Variants in ADAMTS20 observed in about 807,000 individuals in gnomAD.
ADAMTS20 encodes ADAM metallopeptidase with thrombospondin type 1 motif 20, also known as A disintegrin and metalloproteinase with thrombospondin motifs 20.
In ADAMTS20, 225 loss-of-function variants were observed where a neutral mutation model predicts 260.1. That is an observed-to-expected ratio of 0.87 (90% CI 0.78 to 0.97). The LOEUF is 0.97. Ranked by LOEUF, ADAMTS20 falls within the 50% of genes least tolerant of loss-of-function variation. The probability of loss-of-function intolerance (pLI) is 0.00; values close to 1 mark genes in which losing one functional copy is unlikely to be tolerated. For synonymous variants in ADAMTS20, 802 were observed against 769.5 expected, an observed-to-expected ratio of 1.04 and a Z score of -0.70; for missense variants, 2,400 against 2,337.7, an observed-to-expected ratio of 1.03 and a Z score of -0.55.
intron 3 of ADAMTS20, among the ~76,000 whole-genome samples, chr12:43,510,942 T>C (rs1942915888): frequency 6.6e-6 from 1 of 152,104 alleles, no homozygotes; most frequent in Admixed American, 6.6e-5. Context: ...AATTCATCAT[T>C]TTCTTCTCCC....
intron 11 of ADAMTS20, among the ~76,000 whole-genome samples, chr12:43,456,132 T>C (rs1182224559): frequency 3.3e-5 from 5 of 152,208 alleles, no homozygotes; most frequent in African/African-American, 1.2e-4. Flanking sequence ...ATTTTGGATG[T>C]CTTTTTTGCA....
chr12:43,471,705 G>T, intron 7 of ADAMTS20, among the ~76,000 whole-genome samples: 1 of 142,130 alleles, frequency 7.0e-6, no homozygotes, highest in South Asian at 2.5e-4. Context: ...CTAACTGGGA[G>T]GCACCCCCCA....
chr12:43,394,599 A>C (rs1940662041), intron 29 of ADAMTS20, among the ~76,000 whole-genome samples: 1 of 152,160 alleles, frequency 6.6e-6, no homozygotes, highest in African/African-American at 2.4e-5. Context: ...AGCACAACTT[A>C]GAAATTACAT....
In ADAMTS20 at chr12:43,502,242, T is replaced by A. The variant is rs772046399; in HGVS notation, c.777A>T (p.Arg259Ser). ...CAGCTGTAACCATAATTTCAATGTA[T>A]CTTGGATATGATATAAGACGTTTTT... ...SRKKRLISYP[R>S]YIEIMVTADA... The change falls in exon 4 of 39, where the codon AGA becomes AGT. Residue 259 changes from arginine (R) to serine (S), a missense_variant. By Grantham distance (110) the Arg-to-Ser change is moderately radical. Transcript: ENST00000389420. 1 of 1,611,878 alleles carries A rather than the reference T, an allele frequency of 6.2e-7. No homozygotes were observed. The highest frequency in any genetic ancestry group is 8.5e-7 in the Non-Finnish European group (1 of 1,179,266).
At chr12:43,357,735 C>G (rs1939775144) in intron 37 of ADAMTS20, among the ~76,000 whole-genome samples, 1 of 152,094 alleles carries the variant, frequency 6.6e-6, no homozygotes, top group Admixed American at 6.5e-5. Context: ...GCTATATTCC[C>G]AGAGCCCAGA....
Position 43,383,786 on chromosome 12 carries a change from T to G in ADAMTS20, c.4626+18A>C. On this transcript the variant is annotated intron_variant, in intron 30 of 38. Transcript: ENST00000389420. ...TCTTATATGCAGTGTCTTTGAAAAT[T>G]TACATGTCGATACTCACATTCAGCC... 1.9e-6 allele frequency: 3 copies of G among 1,613,464 alleles called. No homozygotes were observed. The highest frequency in any genetic ancestry group is 2.2e-5 in the South Asian group (2 of 91,034).
At position 43,502,330 on chromosome 12, in the gene ADAMTS20, T is replaced by C; in HGVS notation, c.689A>G (p.Glu230Gly). ...TTTTGATGTGTGTCCTAAAACTCTT[T>C]CTTTCATTACATTAAGATCTTCATT... Reference protein sequence around the residue: ...NMNEDLNVMKERVLGHTSKNV... With the variant: ...NMNEDLNVMKGRVLGHTSKNV... Residue 230 changes from glutamate to glycine, a missense_variant, in exon 4 of 39, where the codon GAA becomes GGA. Coordinates refer to ENST00000389420, the MANE Select transcript of ADAMTS20 (RefSeq NM_025003.5). 1 of 1,610,814 alleles carries C rather than the reference T, an allele frequency of 6.2e-7. No homozygotes were observed. Among genetic ancestry groups the C allele is most frequent in the Non-Finnish European group, 8.5e-7 (1 of 1,178,972 alleles).
chr12:43,360,059 G>A (rs751550582), intron 37 of ADAMTS20, among the ~76,000 whole-genome samples: 8 of 151,796 alleles, frequency 5.3e-5, no homozygotes, highest in Non-Finnish European at 1.0e-4. Context: ...GGACTAAAAT[G>A]CCGTATCCAA....
At chr12:43,502,108 C>A in intron 4 of ADAMTS20, 44 bp downstream of exon 4, 3 of 1,474,150 alleles carry the variant, frequency 2.0e-6, no homozygotes, top group Admixed American at 3.0e-5. Flanking sequence ...TTTCATTAAG[C>A]TAAACATTTT....
At chr12:43,402,449 A>G (rs1357385340) in intron 28 of ADAMTS20, among the ~76,000 whole-genome samples, 2 of 152,026 alleles carry the variant, frequency 1.3e-5, no homozygotes, top group African/African-American at 4.8e-5. Flanking sequence ...TACAGATTCT[A>G]TCCTCAAGAT....
At chr12:43,525,253 C>T (rs1943126148) in intron 3 of ADAMTS20, among the ~76,000 whole-genome samples, 1 of 152,154 alleles carries the variant, frequency 6.6e-6, no homozygotes, top group African/African-American at 2.4e-5. Context: ...GGACAACTGT[C>T]AGTTAACAAT....
chr12:43,503,061 TA>T (rs1942790400), intron 3 of ADAMTS20, among the ~76,000 whole-genome samples: 1 of 152,226 alleles, frequency 6.6e-6, no homozygotes, highest in Admixed American at 6.5e-5. Flanking sequence ...TACAGTGAAG[TA>T]ATATGCATTT....
intron 7 of ADAMTS20, among the ~76,000 whole-genome samples, chr12:43,485,454 G>T (rs1426189070): frequency 6.6e-6 from 1 of 152,066 alleles, no homozygotes; most frequent in Non-Finnish European, 1.5e-5. Flanking sequence ...CAAACCCACA[G>T]CCACTATCAT....
intron 3 of ADAMTS20, among the ~76,000 whole-genome samples, chr12:43,521,895 C>G (rs1332810796): frequency 6.6e-6 from 1 of 152,132 alleles, no homozygotes; most frequent in Non-Finnish European, 1.5e-5. Context: ...GTCACATTCC[C>G]TCTTGGCTGG....
chr12:43,440,552 C>T (rs762324556), intron 16 of ADAMTS20, among the ~76,000 whole-genome samples: 1 of 152,160 alleles, frequency 6.6e-6, no homozygotes, highest in Non-Finnish European at 1.5e-5. Flanking sequence ...GGGATTTTAA[C>T]AATAAGTTAG....
intron 11 of ADAMTS20, among the ~76,000 whole-genome samples, chr12:43,460,988 A>ATATATT: frequency 1.1e-4 from 3 of 26,396 alleles, no homozygotes; most frequent in African/African-American, 3.8e-4. Flanking sequence ...ATATATATAT[A>ATATATT]TTTTTTTTTT....
At chr12:43,446,815 A>G in intron 14 of ADAMTS20, 103 bp from the exon 15 acceptor site, 1 of 892,422 alleles carries the variant, frequency 1.1e-6, no homozygotes, top group Non-Finnish European at 1.8e-6. Flanking sequence ...GGGATTTACC[A>G]CTGACCCCAC....
intron 37 of ADAMTS20, 25 bp from the exon 38 acceptor site, chr12:43,356,613 A>G (rs770127161): frequency 6.6e-7 from 1 of 1,506,340 alleles, no homozygotes; most frequent in Admixed American, 1.8e-5. Flanking sequence ...AAACAAAGAA[A>G]AATAGATGGA....
rs756108003 is a variant in ADAMTS20 at position 43,431,420 on chromosome 12, C to G, written c.3173G>C (p.Gly1058Ala). Residue 1058 changes from glycine to alanine, a missense_variant, in exon 22 of 39, where the codon GGC becomes GCC. By Grantham distance (60) the Gly-to-Ala change is moderately conservative (BLOSUM62 0). Coordinates refer to ENST00000389420, the MANE Select transcript of ADAMTS20 (RefSeq NM_025003.5). ...CQLNVDHLSD[G>A]FCNSSTKPES... ...AGGTTTGGTACTTGAATTACAGAAG[C>G]CATCACTCAAGTGATCTACATTCAG... The G allele has an allele frequency of 4.3e-6, 7 of 1,613,864 alleles. No individual in the cohort carries two copies. Among genetic ancestry groups the G allele is most frequent in the African/African-American group, 4.0e-5 (3 of 74,930 alleles).
Sources: allele counts gnomAD v4.1 joint callset (sites outside exome capture counted in the v4.1 genomes callset), GRCh38; gene constraint gnomAD v4.1.1; transcripts MANE v1.5; gene names NCBI Gene and HGNC (gene_info 2026-07-23, HGNC 2026-07-21).